The following PCDHA13 variants were observed in gnomAD, a reference collection of about 807,000 sequenced individuals.
PCDHA13 encodes the protein protocadherin alpha 13, also known as protocadherin alpha-13.
A neutral mutation model predicts 64.8 loss-of-function variants in PCDHA13; 54 were observed. The observed-to-expected ratio is 0.83, with a 90% CI of 0.67 to 1.04. The LOEUF (loss-of-function observed/expected upper bound fraction) is 1.04. Among genes scored for constraint, PCDHA13 ranks in the 50% least tolerant of loss-of-function variants. The pLI is 0.00. For synonymous variants in PCDHA13, 587 were observed against 564.4 expected, an observed-to-expected ratio of 1.04 and a Z score of -0.57; for missense variants, 1,248 against 1,254.3, an observed-to-expected ratio of 0.99 and a Z score of 0.08.
At chr5:140,966,809 C>T (rs1335148442) in intron 1 of PCDHA13, 5 of 1,547,376 alleles carry the variant, frequency 3.2e-6, no homozygotes, top group African/African-American at 1.4e-5. Flanking sequence ...AGAGCATCCA[C>T]GGCTCCGGCG....
intron 1 of PCDHA13, among the ~76,000 whole-genome samples, chr5:140,915,080 G>T (rs1279074888): frequency 6.6e-6 from 1 of 151,664 alleles, no homozygotes; most frequent in Non-Finnish European, 1.5e-5. Context: ...TGAGTAGCTG[G>T]GACTATGGGC....
At chr5:140,917,305 C>T (rs1554197951) in intron 1 of PCDHA13, among the ~76,000 whole-genome samples, 1 of 137,094 alleles carries the variant, frequency 7.3e-6, no homozygotes, top group African/African-American at 2.7e-5. Flanking sequence ...ATAGTTGTTA[C>T]AATTTGGTGT....
At chr5:140,910,067 G>C (rs868941459) in intron 1 of PCDHA13, among the ~76,000 whole-genome samples, 1 of 152,194 alleles carries the variant, frequency 6.6e-6, no homozygotes, top group Non-Finnish European at 1.5e-5. Flanking sequence ...TTTTAACAGC[G>C]TAAATTGTTG....
In PCDHA13 at chr5:140,972,718, C is replaced by T. The variant is rs921637217; in HGVS notation, c.2395-6231C>T. Among the ~76,000 whole-genome samples the T allele has an allele frequency of 9.2e-5, 13 of 142,004 alleles. No individual in the cohort carries two copies. In the East Asian group the frequency reaches 2.5e-3, roughly 27 times the overall value. The allele number at this position is 142,004 out of a possible 152,430, so 93.2% of individuals were successfully genotyped here. A position where few individuals can be genotyped will look rare whatever the true frequency, so the allele number is the denominator to read the frequency against. Reference sequence around the variant, plus strand: ...CTCACTCTGTTGCCAGGCTGGAGTGCAGTGGCGTAATCCCGGCTCACTGCA... The same window carrying T: ...CTCACTCTGTTGCCAGGCTGGAGTGTAGTGGCGTAATCCCGGCTCACTGCA... On this transcript the variant is annotated intron_variant, in intron 1 of 3. Coordinates refer to ENST00000289272, the MANE Select transcript of PCDHA13 (RefSeq NM_018904.3).
chr5:140,927,157 G>A (rs868936673), intron 1 of PCDHA13: 2 of 1,614,144 alleles, frequency 1.2e-6, no homozygotes, highest in South Asian at 2.2e-5. Flanking sequence ...GCTGTGCAGG[G>A]CCAAAGCTGC....
rs1554189151 is a variant in PCDHA13, at chr5:140,900,427, G to GCA, written c.2394+15766_2394+15767insAC. On this transcript the variant is annotated intron_variant, in intron 1 of 3. Transcript: ENST00000289272. ...CAAGTAGCTGGGATTATAGGCACGT[G>GCA]CCACCACGGCCGGCTAATTTTTTAT... 7.9e-5 allele frequency among the ~76,000 whole-genome samples: 12 copies of GCA among 152,230 alleles called. No homozygotes were observed. The East Asian group carries it at 2.3e-3, about 30-fold the overall frequency.
chr5:140,983,754 A>T (rs2097065978), intron 3 of PCDHA13, among the ~76,000 whole-genome samples: 3 of 152,210 alleles, frequency 2.0e-5, no homozygotes. Flanking sequence ...AATCCATTCA[A>T]ATTCAAATAC....
At chr5:140,966,185 GA>G (rs1378285647) in intron 1 of PCDHA13, 4 of 197,798 alleles carry the variant, frequency 2.0e-5, no homozygotes, top group Non-Finnish European at 4.0e-5. Context: ...CTGATAGCCA[GA>G]CTTCTAGGGG....
chr5:140,928,942 T>C lies in PCDHA13; in HGVS notation c.2394+44280T>C. The stretch of plus-strand genomic sequence containing the variant: ...GCAGCTTTCTGCCCAGAACTTGTAT[T>C]TAGTAATTGCCTTGGCTTGTATTTC... On this transcript the variant is annotated intron_variant, in intron 1 of 3. Transcript: ENST00000289272. 4 of 1,614,060 alleles carry C rather than the reference T, an allele frequency of 2.5e-6. No individual in the cohort carries two copies. The South Asian group carries it at 4.4e-5, about 18-fold the overall frequency.
In PCDHA13 at chr5:140,960,243, G is replaced by A. The variant is rs531821446; in HGVS notation, c.2395-18706G>A. On this transcript the variant is annotated intron_variant, in intron 1 of 3. Coordinates refer to ENST00000289272, the MANE Select transcript of PCDHA13 (RefSeq NM_018904.3). The stretch of plus-strand genomic sequence containing the variant: ...AGAAACAGAGCCATGGTAAAAAGAA[G>A]CTTCCTGGAGCTTCTGATAAATTCC... 3.9e-5 allele frequency among the ~76,000 whole-genome samples: 6 copies of A among 152,270 alleles called. No individual in the cohort carries two copies. The East Asian group carries it at 1.2e-3, about 29-fold the overall frequency.
intron 1 of PCDHA13, among the ~76,000 whole-genome samples, chr5:140,965,278 C>T (rs1554227554): frequency 6.6e-6 from 1 of 152,176 alleles, no homozygotes; most frequent in African/African-American, 2.4e-5. Flanking sequence ...AATGACACAG[C>T]ATGGAAAGAT....
chr5:140,935,736 A>G (rs2090532745), intron 1 of PCDHA13, among the ~76,000 whole-genome samples: 1 of 152,190 alleles, frequency 6.6e-6, no homozygotes, highest in Admixed American at 6.5e-5. Flanking sequence ...TCTAGTATCT[A>G]TTATTCCATA....
chr5:141,003,425 C>A (rs1344914063), intron 3 of PCDHA13, among the ~76,000 whole-genome samples: 1 of 152,138 alleles, frequency 6.6e-6, no homozygotes, highest in Non-Finnish European at 1.5e-5. Context: ...GATTCTTATG[C>A]CTCAGCCTCC....
At chr5:140,985,348 A>G (rs1197077354) in intron 3 of PCDHA13, among the ~76,000 whole-genome samples, 2 of 152,190 alleles carry the variant, frequency 1.3e-5, no homozygotes, top group Non-Finnish European at 2.9e-5. Context: ...AGGCCCAGAT[A>G]TAGACCCTCT....
At chr5:140,966,972 T>G (rs1554229007) in intron 1 of PCDHA13, 1 of 1,602,828 alleles carries the variant, frequency 6.2e-7, no homozygotes, top group African/African-American at 1.3e-5. Flanking sequence ...GGGCTTGAGC[T>G]GCGGCGCTTG....
At position 140,941,206 on chromosome 5, in the gene PCDHA13, TCTTTCTTC is replaced by T. The variant is rs1268159199; in HGVS notation, c.2395-37735_2395-37728del. Among the ~76,000 whole-genome samples the T allele has an allele frequency of 1.2e-3, 117 of 95,670 alleles. 1 individual carries two copies. The highest frequency in any genetic ancestry group is 8.3e-3 in the South Asian group (27 of 3,240). The allele number at this position is 95,670 out of a possible 152,430, so 62.8% of individuals were successfully genotyped here. A position where few individuals can be genotyped will look rare whatever the true frequency, so the allele number is the denominator to read the frequency against. On this transcript the variant is annotated intron_variant, in intron 1 of 3. Coordinates refer to ENST00000289272, the MANE Select transcript of PCDHA13 (RefSeq NM_018904.3). ...GCTTCTTTTTTTTTCTTTCTTCCTTTCTTTCTTCCTTTCTTTCTTTCTTTCTTTCTTTC... is the reference window on the plus strand; with the variant it reads ...GCTTCTTTTTTTTTCTTTCTTCCTTTCTTTCTTTCTTTCTTTCTTTCTTTC...
At chr5:140,915,479 G>T (rs1170530979) in intron 1 of PCDHA13, among the ~76,000 whole-genome samples, 1 of 151,948 alleles carries the variant, frequency 6.6e-6, no homozygotes, top group African/African-American at 2.4e-5. Flanking sequence ...AAGGAGCTTG[G>T]GCCTCAATCC....
chr5:140,888,129 A>G (rs2061706592), intron 1 of PCDHA13, among the ~76,000 whole-genome samples: 2 of 152,024 alleles, frequency 1.3e-5, no homozygotes, highest in Admixed American at 1.3e-4. Flanking sequence ...CTATGGATAT[A>G]TTTTCTTGCT....
chr5:140,887,306 C>G (rs2061398552), intron 1 of PCDHA13, among the ~76,000 whole-genome samples: 1 of 152,096 alleles, frequency 6.6e-6, no homozygotes. Flanking sequence ...TCTTGTTAGC[C>G]AGGATAGTCT....
Sources: gnomAD v4.1 joint callset for allele counts (sites outside exome capture counted in the v4.1 genomes callset) on GRCh38, gnomAD v4.1.1 for gene constraint, MANE v1.5 for transcripts, NCBI Gene and HGNC (gene_info 2026-07-23, HGNC 2026-07-21) for gene names.